TTC39C: variants seen among roughly 807,000 people sequenced by gnomAD.
TTC39C encodes tetratricopeptide repeat protein 39C.
A neutral mutation model predicts 76.3 loss-of-function variants in TTC39C; 33 were observed. The ratio of observed to expected loss-of-function variants is 0.43; its 90% CI spans 0.33 to 0.58. The LOEUF (loss-of-function observed/expected upper bound fraction) is 0.58, where lower values mean the gene tolerates loss of function less well. TTC39C is among the 20% of genes least tolerant of loss of function. TTC39C has a pLI of 0.04. For missense variants in TTC39C, 595 were observed against 701.4 expected, an observed-to-expected ratio of 0.85 and a Z score of 1.71; for synonymous variants, 254 against 260.6, an observed-to-expected ratio of 0.97 and a Z score of 0.24.
chr18:24,080,982 T>C (rs1154251), intron 5 of TTC39C, 43 bp downstream of exon 5: 1 of 1,508,654 alleles, frequency 6.6e-7, no homozygotes, highest in Non-Finnish European at 8.9e-7. Flanking sequence ...AATATAGTGT[T>C]GAAAGTAAGT....
At chr18:24,118,273 T>A (rs1430566568) in intron 8 of TTC39C, 41 bp downstream of exon 8, 1 of 1,532,278 alleles carries the variant, frequency 6.5e-7, no homozygotes, top group East Asian at 2.3e-5. Context: ...CTCTCTGTCG[T>A]GAATTAGCTC....
intron 1 of TTC39C, among the ~76,000 whole-genome samples, chr18:24,000,980 C>T (rs1599221694): frequency 1.3e-5 from 2 of 152,098 alleles, no homozygotes; most frequent in East Asian, 3.9e-4. Flanking sequence ...GATCAGAGAT[C>T]TGAGATCTCT....
Position 24,080,828 on chromosome 18 carries a change from C to G in TTC39C, c.704C>G (p.Pro235Arg), listed in dbSNP as rs1277056379. ...CACCTTTGCATATCCATGGTGCCCC[C>G]AAACCTGCTCAAAATCATCAACCTG... The part of the protein sequence containing the change: ...LFHLCISMVP[P>R]NLLKIINLLG... The change falls in exon 5 of 14, where the codon CCA becomes CGA. Residue 235 changes from proline to arginine, a missense_variant. By Grantham distance (103) the Pro-to-Arg change is moderately radical. Transcript: ENST00000317571. 1 of 1,614,116 alleles carries G rather than the reference C, an allele frequency of 6.2e-7. No homozygotes were observed. Among genetic ancestry groups the G allele is most frequent in the South Asian group, 1.1e-5 (1 of 91,074 alleles).
intron 7 of TTC39C, among the ~76,000 whole-genome samples, chr18:24,116,976 C>T (rs2084901873): frequency 6.6e-6 from 1 of 151,680 alleles, no homozygotes; most frequent in African/African-American, 2.4e-5. Context: ...CAGGCGTGCA[C>T]CACCACACCT....
intron 1 of TTC39C, among the ~76,000 whole-genome samples, chr18:24,004,010 C>T (rs996425716): frequency 8.5e-5 from 13 of 152,174 alleles, no homozygotes; most frequent in Admixed American, 3.9e-4. Context: ...CTTGGACTCT[C>T]GGAGCACTGG....
intron 1 of TTC39C, among the ~76,000 whole-genome samples, chr18:24,059,915 A>C (rs2084071080): frequency 2.0e-5 from 3 of 152,328 alleles, no homozygotes; most frequent in Non-Finnish European, 4.4e-5. Context: ...CCTGCATGGC[A>C]GCAGGCAAAG....
intron 2 of TTC39C, among the ~76,000 whole-genome samples, chr18:24,064,630 C>T (rs192401984): frequency 1.2e-4 from 18 of 152,266 alleles, no homozygotes; most frequent in Admixed American, 9.8e-4. Flanking sequence ...AAGTAGGTTG[C>T]AGTTAGTTTT....
intron 7 of TTC39C, chr18:24,114,957 A>G (rs8085837): frequency 0.072 from 15,706 of 216,782 alleles, 1,285 homozygotes; most frequent in East Asian, 0.28. Flanking sequence ...CTTCCCACTA[A>G]TGTTTACTTG....
At chr18:23,997,661 A>AGAAG (rs2083275811) in intron 1 of TTC39C, among the ~76,000 whole-genome samples, 1 of 92,248 alleles carries the variant, frequency 1.1e-5, no homozygotes, top group Non-Finnish European at 2.3e-5. Flanking sequence ...GGAGAAAGAA[A>AGAAG]GAAAGAAAGA....
intron 6 of TTC39C, among the ~76,000 whole-genome samples, chr18:24,109,339 A>T (rs2084784495): frequency 6.6e-6 from 1 of 152,098 alleles, no homozygotes; most frequent in Non-Finnish European, 1.5e-5. Flanking sequence ...AAATAATAAT[A>T]ATAACAATAA....
At chr18:24,091,027 G>A (rs938997575) in intron 6 of TTC39C, among the ~76,000 whole-genome samples, 2 of 152,046 alleles carry the variant, frequency 1.3e-5, no homozygotes, top group Non-Finnish European at 1.5e-5. Flanking sequence ...GGCTGTTTTC[G>A]AACTCCTGAC....
intron 10 of TTC39C, 32 bp from the exon 11 acceptor site, chr18:24,128,854 T>C: frequency 2.6e-6 from 4 of 1,558,450 alleles, no homozygotes; most frequent in Non-Finnish European, 3.5e-6. Context: ...ATGCATTTGC[T>C]TACTGCTCTG....
chr18:24,067,624 G>A (rs150188497), intron 3 of TTC39C, among the ~76,000 whole-genome samples: 120 of 152,230 alleles, frequency 7.9e-4, no homozygotes, highest in Middle Eastern at 3.4e-3. Flanking sequence ...CTGATGACGT[G>A]AGGTGGAACA....
chr18:24,002,366 A>G (rs2083320050), intron 1 of TTC39C, among the ~76,000 whole-genome samples: 2 of 152,216 alleles, frequency 1.3e-5, no homozygotes, highest in Admixed American at 1.3e-4. Flanking sequence ...GGTGGGATCC[A>G]GATTTAAAGA....
intron 6 of TTC39C, chr18:24,113,331 C>T (rs1310264610): frequency 4.0e-6 from 2 of 503,232 alleles, no homozygotes; most frequent in African/African-American, 3.9e-5. Flanking sequence ...GCCCTTGTTT[C>T]CCCGAGGCCT....
chr18:24,110,372 G>A lies in TTC39C; in HGVS notation c.985-4182G>A, dbSNP rs138138905. Among the ~76,000 whole-genome samples, 15 of 152,330 alleles carry A rather than the reference G, an allele frequency of 9.8e-5. No individual in the cohort carries two copies. In the East Asian group the frequency reaches 2.9e-3, roughly 29 times the overall value. On this transcript the variant is annotated intron_variant, in intron 6 of 13. Coordinates refer to ENST00000317571, the MANE Select transcript of TTC39C (RefSeq NM_001135993.2). ...ATTAAAGACAGCAATGCAGTGTGCT[G>A]TTATAAGTATTTTAACTGGTGCTCC... is the stretch of plus-strand genomic sequence containing the variant.
At chr18:24,048,394 C>T (rs946439624) in intron 1 of TTC39C, among the ~76,000 whole-genome samples, 2 of 152,170 alleles carry the variant, frequency 1.3e-5, no homozygotes, top group Admixed American at 1.3e-4. Flanking sequence ...ATTTTAAATA[C>T]CCTATTTCTG....
intron 8 of TTC39C, among the ~76,000 whole-genome samples, chr18:24,121,737 G>C (rs1599346847): frequency 6.6e-6 from 1 of 152,168 alleles, no homozygotes; most frequent in East Asian, 1.9e-4. Flanking sequence ...TGTTCTCAAT[G>C]ATCTGAGGAA....
At chr18:24,132,201 A>G (rs557072657) in intron 13 of TTC39C, among the ~76,000 whole-genome samples, 1 of 152,334 alleles carries the variant, frequency 6.6e-6, no homozygotes, top group South Asian at 2.1e-4. Context: ...TGAATTAAGA[A>G]TTTCTAATAG....
Sources: allele counts gnomAD v4.1 joint callset (sites outside exome capture counted in the v4.1 genomes callset), GRCh38; gene constraint gnomAD v4.1.1; transcripts MANE v1.5; gene names NCBI Gene and HGNC (gene_info 2026-07-23, HGNC 2026-07-21).